The following SMAP1 variants were observed in gnomAD, a reference collection of about 807,000 sequenced individuals.
The protein encoded by SMAP1 is stromal membrane-associated protein 1.
Under a neutral mutation model 58.5 loss-of-function variants are expected in SMAP1, and 24 were observed. That is an observed-to-expected ratio of 0.41 (90% confidence interval 0.30 to 0.58). The LOEUF (loss-of-function observed/expected upper bound fraction) is 0.58, where lower values mean the gene tolerates loss of function less well. SMAP1 is among the 20% of genes least tolerant of loss of function. SMAP1 has a pLI of 0.29. For synonymous variants in SMAP1, 216 were observed against 196.6 expected (o/e 1.10, Z -0.82); for missense variants, 563 against 566.3 (o/e 0.99, Z 0.06).
intron 4 of SMAP1, among the ~76,000 whole-genome samples, chr6:70,789,036 T>C (rs1768218593): frequency 6.6e-6 from 1 of 152,140 alleles, no homozygotes. Context: ...TGTTTTCTCC[T>C]TTTCACTGCC....
intron 6 of SMAP1, among the ~76,000 whole-genome samples, chr6:70,810,223 G>C (rs1367007046): frequency 6.6e-6 from 1 of 152,076 alleles, no homozygotes; most frequent in Admixed American, 6.6e-5. Context: ...GGCATGCGTA[G>C]AACTCCTGAG....
chr6:70,798,763 C>T (rs1280152362), intron 6 of SMAP1, 26 bp downstream of exon 6: 1 of 1,483,624 alleles, frequency 6.7e-7, no homozygotes, highest in South Asian at 1.3e-5. Context: ...TAAAAATAAT[C>T]TATTAGGATT....
intron 1 of SMAP1, among the ~76,000 whole-genome samples, chr6:70,687,081 C>A (rs1275543911): frequency 1.3e-5 from 2 of 152,294 alleles, no homozygotes; most frequent in African/African-American, 2.4e-5. Context: ...CGAATTTAAA[C>A]ATTCACTTTC....
At chr6:70,687,024 G>C (rs528710705) in intron 1 of SMAP1, among the ~76,000 whole-genome samples, 1 of 152,130 alleles carries the variant, frequency 6.6e-6, no homozygotes, top group African/African-American at 2.4e-5. Flanking sequence ...TAAGTTCTAG[G>C]TTTGTCCTGT....
chr6:70,849,655 A>C (rs1201316369), intron 7 of SMAP1, among the ~76,000 whole-genome samples: 1 of 152,170 alleles, frequency 6.6e-6, no homozygotes, highest in South Asian at 2.1e-4. Flanking sequence ...CAAATCCCCT[A>C]CCTACACATA....
chr6:70,772,342 G>T (rs1467798844), intron 3 of SMAP1, among the ~76,000 whole-genome samples: 2 of 152,164 alleles, frequency 1.3e-5, no homozygotes, highest in African/African-American at 4.8e-5. Context: ...GACTGAAACT[G>T]TATTGTATTA....
rs61069311 is a variant in SMAP1 at position 70,826,934 on chromosome 6, C to CAAAA, written c.577-9984_577-9981dup. On this transcript the variant is annotated intron_variant, in intron 6 of 10. Transcript: ENST00000370455. The stretch of plus-strand genomic sequence containing the variant: ...TGGGCAACAGAGTGAAACCGTGTCT[C>CAAAA]AAAAAAAAAAAAAAAAAAAAAAAAA... 1.7e-3 allele frequency among the ~76,000 whole-genome samples: 134 copies of CAAAA among 76,604 alleles called. 5 individuals carry two copies. Among genetic ancestry groups the CAAAA allele is most frequent in the African/African-American group, 6.2e-3 (111 of 17,790 alleles). 50.3% of individuals were successfully genotyped at this position (76,604 alleles called of 152,430 possible).
intron 6 of SMAP1, among the ~76,000 whole-genome samples, chr6:70,810,518 A>G (rs1037869624): frequency 3.9e-5 from 6 of 152,226 alleles, no homozygotes; most frequent in Non-Finnish European, 8.8e-5. Context: ...TATTATACAT[A>G]TTATTTTGTA....
intron 4 of SMAP1, among the ~76,000 whole-genome samples, chr6:70,787,026 A>C (rs1448378973): frequency 6.6e-6 from 1 of 152,184 alleles, no homozygotes; most frequent in Non-Finnish European, 1.5e-5. Flanking sequence ...AGCTGGAGGC[A>C]TCACGCTACC....
At chr6:70,758,565 G>C (rs1350521354) in intron 3 of SMAP1, among the ~76,000 whole-genome samples, 1 of 151,526 alleles carries the variant, frequency 6.6e-6, no homozygotes, top group East Asian at 1.9e-4. Flanking sequence ...GAAGGATTTT[G>C]AAGCAGGAGA....
At chr6:70,787,423 G>GGCAA (rs1768101228) in intron 4 of SMAP1, among the ~76,000 whole-genome samples, 1 of 151,960 alleles carries the variant, frequency 6.6e-6, no homozygotes, top group African/African-American at 2.4e-5. Flanking sequence ...CAAGAGCAAT[G>GGCAA]GCAACAAAAG....
At chr6:70,680,620 A>G (rs566773767) in intron 1 of SMAP1, among the ~76,000 whole-genome samples, 1 of 152,240 alleles carries the variant, frequency 6.6e-6, no homozygotes, top group East Asian at 1.9e-4. Context: ...CAAAGCAATG[A>G]ACTAGTGGAT....
At chr6:70,795,958 G>A (rs112011380) in intron 5 of SMAP1, among the ~76,000 whole-genome samples, 36,920 of 151,848 alleles carry the variant, frequency 0.24, 5,448 homozygotes, top group Non-Finnish European at 0.33. Flanking sequence ...GGCTGGTCTC[G>A]AACTTCGTGA....
chr6:70,724,577 GATTAATTAAATAGT>G (rs1768682172), intron 1 of SMAP1, among the ~76,000 whole-genome samples: 1 of 152,192 alleles, frequency 6.6e-6, no homozygotes, highest in Non-Finnish European at 1.5e-5. Flanking sequence ...TTTAGGAAAT[GATTAATTAAATAGT>G]ATGTGGAAAC....
intron 4 of SMAP1, among the ~76,000 whole-genome samples, chr6:70,788,898 T>C (rs757539148): frequency 6.6e-6 from 1 of 152,146 alleles, no homozygotes; most frequent in Non-Finnish European, 1.5e-5. Context: ...AGAATAGATT[T>C]GGAGAGGAGC....
intron 2 of SMAP1, among the ~76,000 whole-genome samples, chr6:70,745,551 G>C (rs1199970477): frequency 6.6e-6 from 1 of 152,192 alleles, no homozygotes; most frequent in South Asian, 2.1e-4. Context: ...TTTGGTACCA[G>C]TACCATGCTG....
chr6:70,798,730 C>A lies in SMAP1; in HGVS notation c.569C>A (p.Ala190Asp). 6.4e-7 allele frequency: 1 copy of A among 1,552,442 alleles called. No individual in the cohort carries two copies. Among genetic ancestry groups the A allele is most frequent in the Non-Finnish European group, 8.7e-7 (1 of 1,151,008 alleles). The change falls in exon 6 of 11, where the codon GCT (alanine) becomes GAT (aspartate). Residue 190 changes from alanine (A) to aspartate (D), a missense_variant. Transcript: ENST00000370455. Reference sequence around the variant, plus strand: ...GAAAAGCCGGCAAAACCACTTACAGCTGAAAAGGTAAAATTCTTTTTTTAA... The same window carrying A: ...GAAAAGCCGGCAAAACCACTTACAGATGAAAAGGTAAAATTCTTTTTTTAA... ...EPEKPAKPLTAEKLQKKDQQL... is the reference protein window; with the variant it reads ...EPEKPAKPLTDEKLQKKDQQL...
intron 7 of SMAP1, among the ~76,000 whole-genome samples, chr6:70,849,314 T>C (rs1191072320): frequency 6.6e-6 from 1 of 152,204 alleles, no homozygotes; most frequent in East Asian, 1.9e-4. Flanking sequence ...ACTTTGTGAA[T>C]TGACTTCATG....
At position 70,791,772 on chromosome 6, in the gene SMAP1, A is replaced by G. The variant is rs1415843784; in HGVS notation, c.495+3A>G. On this transcript the variant is annotated splice_donor_region_variant and intron_variant, in intron 5 of 10. Transcript: ENST00000370455. ...CTGTTGACAAAAATAAATTGGAGGTATGGTCATGTTTTAACCAGCTACATT... is the reference window on the plus strand; with the variant it reads ...CTGTTGACAAAAATAAATTGGAGGTGTGGTCATGTTTTAACCAGCTACATT... 1.2e-6 allele frequency: 2 copies of G among 1,611,872 alleles called. No homozygotes were observed. The highest frequency in any genetic ancestry group is 8.5e-7 in the Non-Finnish European group (1 of 1,178,542).
Sources: allele counts gnomAD v4.1 joint callset (sites outside exome capture counted in the v4.1 genomes callset), GRCh38; gene constraint gnomAD v4.1.1; transcripts MANE v1.5; gene names NCBI Gene and HGNC (gene_info 2026-07-23, HGNC 2026-07-21).